The following MIER2 variants were observed in gnomAD, a reference collection of about 807,000 sequenced individuals.
The protein encoded by MIER2 is MIER family member 2, also known as mesoderm induction early response protein 2.
A neutral mutation model predicts 67.6 loss-of-function variants in MIER2; 30 were observed. The observed-to-expected ratio is 0.44, with a 90% CI of 0.33 to 0.60. The LOEUF (loss-of-function observed/expected upper bound fraction) is 0.60. Ranked by LOEUF, MIER2 falls within the 20% of genes least tolerant of loss-of-function variation. The pLI, the probability that MIER2 is intolerant of heterozygous loss-of-function variation, is 0.02. For missense variants in MIER2, 702 were observed against 745.1 expected, an observed-to-expected ratio of 0.94 and a Z score of 0.67; for synonymous variants, 372 against 312.6, an observed-to-expected ratio of 1.19 and a Z score of -2.00.
Position 307,223 on chromosome 19 carries a change from C to T in MIER2, c.1512G>A (p.Leu504=). Reference sequence around the variant, plus strand: ...CGATGAGTCCAAACTCGGTGACCGACAAAGCCACCTGTGCTGGGGCCACAG... The same window carrying T: ...CGATGAGTCCAAACTCGGTGACCGATAAAGCCACCTGTGCTGGGGCCACAG... The part of the protein sequence containing the change: ...EETVAPAQVA[L]SVTEFGLIGI... Residue 504 remains leucine (L), a synonymous_variant, in exon 13 of 14, where the codon TTG becomes TTA. Coordinates refer to ENST00000264819, the MANE Select transcript of MIER2 (RefSeq NM_017550.3). 1 of 1,592,362 alleles carries T rather than the reference C, an allele frequency of 6.3e-7. No homozygotes were observed. The highest frequency in any genetic ancestry group is 1.1e-5 in the South Asian group (1 of 87,602).
In MIER2 at chr19:308,510, C is replaced by G. The variant is rs1259761119; in HGVS notation, c.1198+67G>C. 4.8e-6 allele frequency: 7 copies of G among 1,472,010 alleles called. No homozygotes were observed. Among genetic ancestry groups the G allele is most frequent in the Non-Finnish European group, 3.7e-6 (4 of 1,088,342 alleles). 91.2% of individuals were successfully genotyped at this position (1,472,010 alleles called of 1,614,324 possible). The stretch of plus-strand genomic sequence containing the variant: ...AGGGCGCCAGGCAGGAGAGGCTCCA[C>G]CGGGCCTCACTCACGGCTCCAGACC... On this transcript the variant is annotated intron_variant, in intron 12 of 13. Coordinates refer to ENST00000264819, the MANE Select transcript of MIER2 (RefSeq NM_017550.3). This position sits in a 1 kb window ranked among gnomAD's most constrained non-coding sequence, Gnocchi z 9.1.
intron 1 of MIER2, among the ~76,000 whole-genome samples, chr19:340,843 G>C (rs972738674): frequency 6.6e-6 from 1 of 152,132 alleles, no homozygotes; most frequent in Admixed American, 6.5e-5. Flanking sequence ...GTTTAGCTCC[G>C]TGGTGGCAGA....
At chr19:317,741 A>C (rs1358110929) in intron 7 of MIER2, among the ~76,000 whole-genome samples, 2 of 150,364 alleles carry the variant, frequency 1.3e-5, no homozygotes, top group East Asian at 1.9e-4. Context: ...AAAAAAAAAA[A>C]AAAAAACAAA....
chr19:344,254 G>A (rs1972635827), intron 1 of MIER2: 2 of 985,250 alleles, frequency 2.0e-6, no homozygotes, highest in South Asian at 4.7e-5. Context: ...CCCGCCCGGG[G>A]TCTGACCCAG....
At chr19:320,534 A>G (rs1971458027) in intron 7 of MIER2, among the ~76,000 whole-genome samples, 1 of 152,242 alleles carries the variant, frequency 6.6e-6, no homozygotes, top group South Asian at 2.1e-4. Flanking sequence ...AGCTGGCCGC[A>G]CAGCAGGAGG....
At chr19:344,369 A>T in intron 1 of MIER2, 3 of 984,480 alleles carry the variant, frequency 3.0e-6, no homozygotes, top group Non-Finnish European at 3.6e-6. Context: ...AAGTTGGCAA[A>T]GGCGCGGGAG....
At chr19:309,570 AG>A (rs2145336292) in intron 10 of MIER2, among the ~76,000 whole-genome samples, 1 of 147,656 alleles carries the variant, frequency 6.8e-6, no homozygotes, top group Non-Finnish European at 1.5e-5. Flanking sequence ...GGAGACGAGA[AG>A]GGACACACAC....
At position 308,642 on chromosome 19, in the gene MIER2, C is replaced by T. The variant is rs1285800216; in HGVS notation, c.1133G>A (p.Gly378Asp). ...ACGGCCGGGGCCATCGGGGTCGCTG[C>T]CATCCAGGTCCTGGTCTGCGTCCCT... ...GTTDADQDLDGSDPDGPGRPR... is the reference protein window; with the variant it reads ...GTTDADQDLDDSDPDGPGRPR... The change falls in exon 12 of 14, where the codon GGC (glycine) becomes GAC (aspartate). Residue 378 changes from glycine to aspartate, a missense_variant. Transcript: ENST00000264819. The surrounding 1 kb of genome is among the most constrained non-coding windows in gnomAD (Gnocchi z 9.1). 6.2e-7 allele frequency: 1 copy of T among 1,605,128 alleles called. No individual in the cohort carries two copies. Among genetic ancestry groups the T allele is most frequent in the South Asian group, 1.1e-5 (1 of 89,942 alleles).
intron 3 of MIER2, among the ~76,000 whole-genome samples, chr19:331,291 G>T (rs1972009624): frequency 6.6e-6 from 1 of 150,394 alleles, no homozygotes. Flanking sequence ...CCAAGAGGTA[G>T]AGGTTCCAGT....
chr19:309,042 C>T (rs924982384), intron 10 of MIER2, 117 bp from the exon 11 acceptor site: 102 of 1,422,276 alleles, frequency 7.2e-5, no homozygotes, highest in Middle Eastern at 2.5e-4. Flanking sequence ...CAGCACCCAC[C>T]ACTCTCAGAT....
At chr19:330,024 G>T (rs1971946923) in intron 3 of MIER2, among the ~76,000 whole-genome samples, 1 of 152,104 alleles carries the variant, frequency 6.6e-6, no homozygotes, top group South Asian at 2.1e-4. Context: ...GGAACCACAT[G>T]CATGGAACGA....
chr19:336,305 C>T (rs1972256088), intron 1 of MIER2, 132 bp from the exon 2 acceptor site: 2 of 696,194 alleles, frequency 2.9e-6, no homozygotes, highest in Non-Finnish European at 2.4e-6. Flanking sequence ...TTTGTCTCCG[C>T]CTCTGAGGGC....
chr19:334,721 G>A (rs1177583292), intron 2 of MIER2, among the ~76,000 whole-genome samples, 179 bp from the exon 3 acceptor site: 2 of 152,202 alleles, frequency 1.3e-5, no homozygotes, highest in Non-Finnish European at 2.9e-5. Flanking sequence ...AGCACGGCTG[G>A]TGAGCTGCAC....
At chr19:328,487 C>A (rs1315896258) in intron 3 of MIER2, among the ~76,000 whole-genome samples, 1 of 151,822 alleles carries the variant, frequency 6.6e-6, no homozygotes. Flanking sequence ...GTAGTTCACA[C>A]CTGTAATCCC....
chr19:343,028 G>C (rs1972572259), intron 1 of MIER2, among the ~76,000 whole-genome samples: 1 of 152,090 alleles, frequency 6.6e-6, no homozygotes, highest in African/African-American at 2.4e-5. Context: ...ATCCCTGTAG[G>C]AGAGGCCCTG....
rs769385391 is a variant in MIER2 at position 308,809 on chromosome 19, G to A, written c.1101C>T (p.Ser367=). ...TRLGRRKYVP[S]GTTDADQDLD... ...GGGAGGGCTGCACGCACGTGGTTCC[G>A]GACGGGACGTACTTCCTCCGGCCCA... is the stretch of plus-strand genomic sequence containing the variant. The change falls in exon 11 of 14, where the codon TCC becomes TCT. Residue 367 remains serine (S), a synonymous_variant. Transcript: ENST00000264819. The surrounding 1 kb of genome is among the most constrained non-coding windows in gnomAD (Gnocchi z 9.1). The A allele has an allele frequency of 2.4e-5, 38 of 1,605,212 alleles. No homozygotes were observed. The highest frequency in any genetic ancestry group is 4.4e-5 in the South Asian group (4 of 90,932).
intron 1 of MIER2, chr19:344,375 G>A (rs1236533071): frequency 4.3e-5 from 42 of 984,834 alleles, no homozygotes; most frequent in Non-Finnish European, 4.7e-5. Context: ...GCAAAGGCGC[G>A]GGAGGGGAGG....
intron 6 of MIER2, 135 bp downstream of exon 6, chr19:326,371 AG>A: frequency 1.4e-6 from 1 of 729,808 alleles, no homozygotes; most frequent in Non-Finnish European, 2.5e-6. Context: ...CCGGGATGCC[AG>A]GTTGGGGACA....
chr19:338,451 T>C (rs1972363055), intron 1 of MIER2, among the ~76,000 whole-genome samples: 1 of 152,148 alleles, frequency 6.6e-6, no homozygotes, highest in Non-Finnish European at 1.5e-5. Flanking sequence ...CAAGGGAATG[T>C]AAAGGCATCC....
Sources: allele counts gnomAD v4.1 joint callset (sites outside exome capture counted in the v4.1 genomes callset), GRCh38; gene constraint gnomAD v4.1.1; non-coding constraint Gnocchi (gnomAD v3.1); transcripts MANE v1.5; gene names NCBI Gene and HGNC (gene_info 2026-07-23, HGNC 2026-07-21).